TAC4: variants seen among roughly 807,000 people sequenced by gnomAD.
The protein encoded by TAC4 is tachykinin precursor 4, also known as tachykinin-4.
TAC4 carries 17 observed loss-of-function variants against 17.7 expected under a neutral mutation model. The ratio of observed to expected loss-of-function variants is 0.96; its 90% CI spans 0.66 to 1.44. The LOEUF (loss-of-function observed/expected upper bound fraction) is 1.44, where lower values mean the gene tolerates loss of function less well. Ranked by LOEUF, TAC4 falls within the 40% of genes most tolerant of loss-of-function variation. The pLI is 0.00. For synonymous variants in TAC4, 62 were observed against 52.4 expected (o/e 1.18, Z -0.79); for missense variants, 118 against 125.6 (o/e 0.94, Z 0.29).
At position 49,838,638 on chromosome 17, in the gene TAC4, GC is replaced by G. The variant is rs774379675; in HGVS notation, c.*3del. The G allele has an allele frequency of 1.6e-5, 26 of 1,613,700 alleles. No homozygotes were observed. Among genetic ancestry groups the G allele is most frequent in the South Asian group, 5.5e-5 (5 of 90,994 alleles). On this transcript the variant is annotated 3_prime_UTR_variant, in exon 5 of 5. Transcript: ENST00000436235. ...GTCCTCTGGGAAGTCTGTGGTGGGG[GC>G]TTTTACTCTGAACCTTGGGCCTCAT...
rs764121229 is a variant in TAC4, at chr17:49,839,919, G to GGA, written c.233-12_233-11dup. The GGA allele has an allele frequency of 6.2e-7, 1 of 1,611,288 alleles. No individual in the cohort carries two copies. Among genetic ancestry groups the GGA allele is most frequent in the Non-Finnish European group, 8.5e-7 (1 of 1,178,774 alleles). On this transcript the variant is annotated splice_polypyrimidine_tract_variant and intron_variant, in intron 3 of 4. Transcript: ENST00000436235. ...TGTTCCAGCTGATATGCTGGTGGTG[G>GGA]GAGAGAGAAGTGGTAGAGGAGAGAG...
At chr17:49,847,267 A>G (rs536638786) in intron 1 of TAC4, 5 of 1,288,296 alleles carry the variant, frequency 3.9e-6, no homozygotes, top group Non-Finnish European at 5.1e-6. Context: ...GCTTGTTGGT[A>G]TCTGTCCCTT....
At chr17:49,842,596 A>G (rs1374468004) in intron 2 of TAC4, among the ~76,000 whole-genome samples, 1 of 152,040 alleles carries the variant, frequency 6.6e-6, no homozygotes, top group Non-Finnish European at 1.5e-5. Flanking sequence ...AACTAAGGCC[A>G]AAAGTGCTTG....
intron 4 of TAC4, among the ~76,000 whole-genome samples, chr17:49,838,881 C>T (rs1177335491): frequency 6.6e-6 from 1 of 152,118 alleles, no homozygotes; most frequent in Admixed American, 6.5e-5. Context: ...ATGGATGGAG[C>T]CCACCCTCAG....
intron 1 of TAC4, chr17:49,847,004 T>G (rs546964368): frequency 1.1e-4 from 138 of 1,290,024 alleles, no homozygotes; most frequent in Non-Finnish European, 8.0e-5. Flanking sequence ...CTCTCCTCAC[T>G]GCACACACTT....
intron 2 of TAC4, among the ~76,000 whole-genome samples, chr17:49,841,901 CTTTTTTTTTTTT>C (rs1161302297): frequency 1.0e-5 from 1 of 99,132 alleles, no homozygotes; most frequent in Non-Finnish European, 2.0e-5. Context: ...GAGATTTAAT[CTTTTTTTTTTTT>C]TTTTTTTTTT....
chr17:49,845,621 A>C (rs1204982056), intron 1 of TAC4, among the ~76,000 whole-genome samples: 1 of 152,168 alleles, frequency 6.6e-6, no homozygotes, highest in African/African-American at 2.4e-5. Flanking sequence ...AGCTAAAGAT[A>C]GACAAACAGA....
At chr17:49,841,040 G>C (rs1056834914) in intron 3 of TAC4, among the ~76,000 whole-genome samples, 1 of 150,354 alleles carries the variant, frequency 6.7e-6, no homozygotes, top group African/African-American at 2.4e-5. Flanking sequence ...CCACTACACC[G>C]GGCTAATGTT....
Position 49,839,891 on chromosome 17 carries a change from G to C in TAC4, c.251C>G (p.Thr84Arg). 1 of 1,612,198 alleles carries C rather than the reference G, an allele frequency of 6.2e-7. No individual in the cohort carries two copies. The highest frequency in any genetic ancestry group is 8.5e-7 in the Non-Finnish European group (1 of 1,179,138). Reference protein sequence around the residue: ...RRKKAYQLEHTFQGLLGKRSL... With the variant: ...RRKKAYQLEHRFQGLLGKRSL... ...TCTCTTGCCCAGGAGGCCCTGGAAC[G>C]TGTGTTCCAGCTGATATGCTGGTGG... The change falls in exon 4 of 5, where the codon ACG (threonine) becomes AGG (arginine). Residue 84 changes from threonine (T) to arginine (R), a missense_variant. Physicochemically the swap from Thr to Arg is moderately conservative, Grantham distance 71. Transcript: ENST00000436235.
At chr17:49,839,485 C>T (rs1043423752) in intron 4 of TAC4, among the ~76,000 whole-genome samples, 1 of 152,178 alleles carries the variant, frequency 6.6e-6, no homozygotes, top group African/African-American at 2.4e-5. Context: ...CTCTAATGAT[C>T]AATGATTAGT....
rs2074498093 is a variant in TAC4, at chr17:49,841,535, G to GT, written c.232+16dup. On this transcript the variant is annotated intron_variant, in intron 3 of 4. Coordinates refer to ENST00000436235, the MANE Select transcript of TAC4 (RefSeq NM_001077506.2). Reference sequence around the variant, plus strand: ...TCCCTAGGGGGCATGTTGAAGGCAGGTTTGGGCAATACTTACCTTTTTTTC... The same window carrying GT: ...TCCCTAGGGGGCATGTTGAAGGCAGGTTTTGGGCAATACTTACCTTTTTTTC... 1.1e-5 allele frequency: 18 copies of GT among 1,573,378 alleles called. No homozygotes were observed. The highest frequency in any genetic ancestry group is 1.8e-5 in the Admixed American group (1 of 54,432).
At chr17:49,842,487 G>A (rs573289737) in intron 2 of TAC4, among the ~76,000 whole-genome samples, 5 of 151,644 alleles carry the variant, frequency 3.3e-5, no homozygotes, top group East Asian at 3.9e-4. Context: ...CTGAGATTGC[G>A]CCATTGCACT....
At chr17:49,840,152 C>A (rs1164980750) in intron 3 of TAC4, among the ~76,000 whole-genome samples, 1 of 152,244 alleles carries the variant, frequency 6.6e-6, no homozygotes, top group Non-Finnish European at 1.5e-5. Context: ...GCTCTCCCTT[C>A]ACAAACGCCT....
intron 2 of TAC4, 136 bp from the exon 3 acceptor site, chr17:49,841,720 TC>T: frequency 1.2e-6 from 1 of 863,758 alleles, no homozygotes; most frequent in Non-Finnish European, 1.6e-6. Context: ...TCCCCAGTTA[TC>T]CTCTGTGGCA....
Position 49,839,882 on chromosome 17 carries a change from C to T in TAC4, c.260G>A (p.Gly87Asp). ...KAYQLEHTFQ[G>D]LLGKRSLFTE... Reference sequence around the variant, plus strand: ...GAACAGGCTTCTCTTGCCCAGGAGGCCCTGGAACGTGTGTTCCAGCTGATA... The same window carrying T: ...GAACAGGCTTCTCTTGCCCAGGAGGTCCTGGAACGTGTGTTCCAGCTGATA... Residue 87 changes from glycine (G) to aspartate (D), a missense_variant, in exon 4 of 5, where the codon GGC becomes GAC. Gly to Asp is a moderately conservative substitution (Grantham distance 94, BLOSUM62 -1). Coordinates refer to ENST00000436235, the MANE Select transcript of TAC4 (RefSeq NM_001077506.2). 6.2e-7 allele frequency: 1 copy of T among 1,612,406 alleles called. No homozygotes were observed.
At chr17:49,845,090 G>A (rs956241323) in intron 1 of TAC4, among the ~76,000 whole-genome samples, 11 of 152,140 alleles carry the variant, frequency 7.2e-5, no homozygotes, top group African/African-American at 2.7e-4. Context: ...AACTCACGGT[G>A]GGTCCCCAGG....
chr17:49,847,272 T>G (rs1208701030), intron 1 of TAC4: 1 of 1,283,918 alleles, frequency 7.8e-7, no homozygotes, highest in Non-Finnish European at 1.0e-6. Flanking sequence ...TTGGTATCTG[T>G]CCCTTGTCTG....
Position 49,838,466 on chromosome 17 carries a change from C to T in TAC4, c.*176G>A. ...GCTGTGCATTTATGCAGGACTGCTG[C>T]TTGACACTGAGAGTCCAGGAAGAAG... On this transcript the variant is annotated 3_prime_UTR_variant, in exon 5 of 5. Coordinates refer to ENST00000436235, the MANE Select transcript of TAC4 (RefSeq NM_001077506.2). 1 of 745,720 alleles carries T rather than the reference C, an allele frequency of 1.3e-6. No homozygotes were observed. Among genetic ancestry groups the T allele is most frequent in the Middle Eastern group, 2.8e-4 (1 of 3,544 alleles). The allele number at this position is 745,720 out of a possible 1,614,324, so 46.2% of individuals were successfully genotyped here.
chr17:49,847,256 G>A (rs1264160252), intron 1 of TAC4: 5 of 1,289,180 alleles, frequency 3.9e-6, no homozygotes, highest in Admixed American at 4.6e-5. Context: ...CTTTGTCTCT[G>A]GCTTGTTGGT....
Sources: allele counts gnomAD v4.1 joint callset (sites outside exome capture counted in the v4.1 genomes callset), GRCh38; gene constraint gnomAD v4.1.1; transcripts MANE v1.5; gene names NCBI Gene and HGNC (gene_info 2026-07-23, HGNC 2026-07-21).